The following ANO3 variants were observed in gnomAD, a reference collection of about 807,000 sequenced individuals.
ANO3 encodes anoctamin-3.
Under a neutral mutation model 144.8 loss-of-function variants are expected in ANO3, and 99 were observed. That is an observed-to-expected ratio of 0.68 (90% confidence interval 0.58 to 0.81). The LOEUF (loss-of-function observed/expected upper bound fraction) is 0.81. Among genes scored for constraint, ANO3 ranks in the 30% least tolerant of loss-of-function variants. The pLI is 0.00. For missense variants in ANO3, 905 were observed against 1,202.2 expected, an observed-to-expected ratio of 0.75 and a Z score of 3.66; for synonymous variants, 414 against 392.6, an observed-to-expected ratio of 1.05 and a Z score of -0.64.
intron 1 of ANO3, among the ~76,000 whole-genome samples, chr11:26,310,938 C>T (rs565434462): frequency 6.6e-6 from 1 of 152,106 alleles, no homozygotes; most frequent in African/African-American, 2.4e-5. Flanking sequence ...TTTTCTCTGG[C>T]ATAAACTTTG....
At chr11:26,642,342 CTTTTTTTT>C (rs576729432) in intron 22 of ANO3, among the ~76,000 whole-genome samples, 2 of 93,064 alleles carry the variant, frequency 2.1e-5, no homozygotes, top group Admixed American at 1.2e-4. Context: ...TTCTTTCTTT[CTTTTTTTT>C]TTTTTTTTTT....
intron 18 of ANO3, among the ~76,000 whole-genome samples, chr11:26,630,645 T>C (rs920353474): frequency 1.3e-5 from 2 of 152,230 alleles, no homozygotes; most frequent in Non-Finnish European, 2.9e-5. Context: ...CCCTCATTGT[T>C]AAGTTTTTGG....
At chr11:26,454,403 T>C (rs1859068582) in intron 3 of ANO3, among the ~76,000 whole-genome samples, 2 of 151,934 alleles carry the variant, frequency 1.3e-5, no homozygotes, top group African/African-American at 2.4e-5. Context: ...ATATCACCAC[T>C]GATCCCACAG....
chr11:26,203,251 A>G (rs920612183), intron 1 of ANO3, among the ~76,000 whole-genome samples: 5 of 152,160 alleles, frequency 3.3e-5, no homozygotes, highest in African/African-American at 1.2e-4. Flanking sequence ...AAGATTAGAA[A>G]GTACAGAAAT....
At position 26,260,047 on chromosome 11, in the gene ANO3, C is replaced by CTT. The variant is rs768969943; in HGVS notation, c.155-49581_155-49580dup. On this transcript the variant is annotated intron_variant, in intron 1 of 27. Coordinates refer to the ANO3 transcript ENST00000672621. ...TGAAGGGATTTAAAATTTTAAAGTG[C>CTT]TTTTTTTTTTTTTTTTTTGATGTAC... Among the ~76,000 whole-genome samples, 1,277 of 129,746 alleles carry CTT rather than the reference C, an allele frequency of 9.8e-3. 24 individuals are homozygous for CTT. Among genetic ancestry groups the CTT allele is most frequent in the African/African-American group, 0.034 (1,211 of 35,370 alleles). The allele number at this position is 129,746 out of a possible 152,430, so 85.1% of individuals were successfully genotyped here. A position where few individuals can be genotyped will look rare whatever the true frequency, so the allele number is the denominator to read the frequency against.
chr11:26,416,676 C>T (rs1000414942), intron 1 of ANO3, among the ~76,000 whole-genome samples: 3 of 152,060 alleles, frequency 2.0e-5, no homozygotes, highest in South Asian at 2.1e-4. Context: ...CCACCCACCT[C>T]GGCCTCCCAA....
At chr11:26,240,496 T>C (rs1243951678) in intron 1 of ANO3, among the ~76,000 whole-genome samples, 3 of 152,194 alleles carry the variant, frequency 2.0e-5, no homozygotes, top group Non-Finnish European at 4.4e-5. Context: ...CTGTATTAAG[T>C]GGAAATTATA....
chr11:26,555,585 G>A (rs976411831), intron 13 of ANO3, among the ~76,000 whole-genome samples: 1 of 152,166 alleles, frequency 6.6e-6, no homozygotes, highest in Non-Finnish European at 1.5e-5. Context: ...TATAAGGAAG[G>A]TGGAAAAGTT....
At chr11:26,525,036 G>T (rs1259520435) in intron 6 of ANO3, among the ~76,000 whole-genome samples, 1 of 152,038 alleles carries the variant, frequency 6.6e-6, no homozygotes, top group African/African-American at 2.4e-5. Context: ...TGTGTCCTTT[G>T]TCCTCCACCT....
chr11:26,434,667 C>A (rs7950023), intron 1 of ANO3, among the ~76,000 whole-genome samples: 4 of 152,232 alleles, frequency 2.6e-5, no homozygotes, highest in Admixed American at 2.0e-4. Flanking sequence ...TGATATCTGC[C>A]TTAATTTCAC....
intron 18 of ANO3, among the ~76,000 whole-genome samples, chr11:26,627,480 C>T (rs76161423): frequency 0.17 from 25,755 of 151,946 alleles, 2,552 homozygotes; most frequent in East Asian, 0.33. Context: ...TGGTCCAGTT[C>T]ATTGTTCTTT....
intron 1 of ANO3, among the ~76,000 whole-genome samples, chr11:26,424,255 A>T (rs80192989): frequency 8.6e-6 from 1 of 116,500 alleles, no homozygotes; most frequent in Non-Finnish European, 1.7e-5. Context: ...CTCCCCCCCC[A>T]CACACACACA....
Position 26,641,695 on chromosome 11 carries a change from A to ATT in ANO3, c.2142-199_2142-198dup, listed in dbSNP as rs71449127. On this transcript the variant is annotated intron_variant, in intron 21 of 26. Transcript: ENST00000256737. ...CTCCTATGCTAAAGTTTTTCAAAAG[A>ATT]TTTAAAAAAAATTTTTTAAGATATT... Among the ~76,000 whole-genome samples the ATT allele has an allele frequency of 6.7e-4, 101 of 149,816 alleles. No homozygotes were observed. In the East Asian group the frequency reaches 0.014, roughly 21 times the overall value.
chr11:26,256,606 A>C (rs1461399), intron 1 of ANO3, among the ~76,000 whole-genome samples: 1 of 151,794 alleles, frequency 6.6e-6, no homozygotes, highest in African/African-American at 2.4e-5. Context: ...ACCCTATGAG[A>C]TTTTTGTAAT....
At chr11:26,364,917 C>G (rs1298007795) in intron 1 of ANO3, among the ~76,000 whole-genome samples, 1 of 152,158 alleles carries the variant, frequency 6.6e-6, no homozygotes, top group Non-Finnish European at 1.5e-5. Context: ...AATTGTCACC[C>G]AAAGTCTTAA....
chr11:26,330,125 A>C (rs752384581), upstream of ANO3, among the ~76,000 whole-genome samples: 25 of 152,212 alleles, frequency 1.6e-4, no homozygotes, highest in Non-Finnish European at 2.8e-4. Flanking sequence ...CTGACTAGTA[A>C]GTATTGGGTG....
chr11:26,440,524 A>G (rs947327906), intron 1 of ANO3, among the ~76,000 whole-genome samples: 2 of 152,182 alleles, frequency 1.3e-5, no homozygotes, highest in East Asian at 1.9e-4. Context: ...TAGTTTAATG[A>G]CAGGAATTTG....
chr11:26,641,831 C>T (rs1853162597), intron 21 of ANO3, 65 bp from the exon 22 acceptor site: 2 of 1,478,294 alleles, frequency 1.4e-6, no homozygotes, highest in South Asian at 3.1e-5. Context: ...TCTTAATTCA[C>T]TATACATTGT....
chr11:26,586,580 G>A (rs889830942), intron 14 of ANO3, among the ~76,000 whole-genome samples: 7 of 140,084 alleles, frequency 5.0e-5, no homozygotes, highest in African/African-American at 1.1e-4. Context: ...TCGGCTCACC[G>A]CAAGCTCCGC....
Sources: allele counts gnomAD v4.1 joint callset (sites outside exome capture counted in the v4.1 genomes callset), GRCh38; gene constraint gnomAD v4.1.1; transcripts MANE v1.5; gene names NCBI Gene and HGNC (gene_info 2026-07-23, HGNC 2026-07-21).